The following TRAPPC6A variants were observed in gnomAD, a reference collection of about 807,000 sequenced individuals.
The protein encoded by TRAPPC6A is TRAPP complex subunit 6A.
TRAPPC6A carries 25 observed loss-of-function variants against 20.8 expected under a neutral mutation model. The ratio of observed to expected loss-of-function variants is 1.20; its 90% CI spans 0.88 to 1.68. The LOEUF (loss-of-function observed/expected upper bound fraction) is 1.68. Ranked by LOEUF, TRAPPC6A falls within the 40% of genes most tolerant of loss-of-function variation. The pLI is 0.00. For missense variants in TRAPPC6A, 215 were observed against 211.6 expected, an observed-to-expected ratio of 1.02 and a Z score of -0.10; for synonymous variants, 96 against 93.3, an observed-to-expected ratio of 1.03 and a Z score of -0.16.
At chr19:45,165,324 G>A (rs1944213955) in intron 1 of TRAPPC6A, 130 bp from the exon 2 acceptor site, 4 of 901,316 alleles carry the variant, frequency 4.4e-6, no homozygotes, top group Admixed American at 4.3e-5. Context: ...TGAGCAGGGA[G>A]GGGCTCTGGC....
In TRAPPC6A at chr19:45,173,888, G is replaced by C. The variant is rs7251651; in HGVS notation, c.84+4247C>G. ...CTCAGGCCTCACCCCAACCGGGTTCGTCAGAGTCTCTGGTGTGGGACTCCA... is the reference window on the plus strand; with the variant it reads ...CTCAGGCCTCACCCCAACCGGGTTCCTCAGAGTCTCTGGTGTGGGACTCCA... On this transcript the variant is annotated intron_variant, in intron 1 of 5. Coordinates refer to ENST00000585934, the MANE Select transcript of TRAPPC6A (RefSeq NM_001270891.2). The surrounding 1 kb of genome is among the most constrained non-coding windows in gnomAD (Gnocchi z 4.8). Among the ~76,000 whole-genome samples, 3 of 152,138 alleles carry C rather than the reference G, an allele frequency of 2.0e-5. No individual in the cohort carries two copies. The highest frequency in any genetic ancestry group is 2.4e-5 in the African/African-American group (1 of 41,398).
chr19:45,176,912 T>G (rs191610438), intron 1 of TRAPPC6A, among the ~76,000 whole-genome samples: 9 of 151,464 alleles, frequency 5.9e-5, no homozygotes, highest in Non-Finnish European at 1.2e-4. Context: ...CTCACGCCTG[T>G]AATCCTAGCA....
chr19:45,168,209 T>C (rs1404443678), intron 1 of TRAPPC6A, among the ~76,000 whole-genome samples: 1 of 151,836 alleles, frequency 6.6e-6, no homozygotes, highest in Non-Finnish European at 1.5e-5. Context: ...TTCACCATGT[T>C]AGCCAGGATG....
At chr19:45,178,024 C>T in intron 1 of TRAPPC6A, 111 bp downstream of exon 1, 1 of 1,559,620 alleles carries the variant, frequency 6.4e-7, no homozygotes, top group Non-Finnish European at 8.7e-7. Flanking sequence ...CGTTGCCCTG[C>T]AAGGCCGGGG....
In TRAPPC6A at chr19:45,163,849, G is replaced by A; in HGVS notation, c.448+67C>T. ...CTCCCAGGCACACACACAGGAGTGG[G>A]GCTGGAACTCTGAAGCCCCCAGCAA... On this transcript the variant is annotated intron_variant, in intron 5 of 5. Transcript: ENST00000585934. The surrounding 1 kb of genome is among the most constrained non-coding windows in gnomAD (Gnocchi z 5.3). The A allele has an allele frequency of 7.2e-7, 1 of 1,384,922 alleles. No homozygotes were observed. 85.8% of individuals were successfully genotyped at this position (1,384,922 alleles called of 1,614,324 possible).
rs1248965953 is a variant in TRAPPC6A at position 45,163,176 on chromosome 19, C to T, written c.*16G>A. 2.5e-6 allele frequency: 4 copies of T among 1,613,762 alleles called. No individual in the cohort carries two copies. Among genetic ancestry groups the T allele is most frequent in the Admixed American group, 1.7e-5 (1 of 59,986 alleles). On this transcript the variant is annotated 3_prime_UTR_variant, in exon 6 of 6. Transcript: ENST00000585934. This position sits in a 1 kb window ranked among gnomAD's most constrained non-coding sequence, Gnocchi z 5.3. ...GGCCAGGGGCAGCAGTGCGGCTCAGCAGGTGCGAGGCAGGCTTAGGATTTC... is the reference window on the plus strand; with the variant it reads ...GGCCAGGGGCAGCAGTGCGGCTCAGTAGGTGCGAGGCAGGCTTAGGATTTC...
chr19:45,175,650 C>A (rs886216861), intron 1 of TRAPPC6A, among the ~76,000 whole-genome samples: 7 of 152,032 alleles, frequency 4.6e-5, no homozygotes, highest in African/African-American at 1.7e-4. Flanking sequence ...GAGAAGGGAG[C>A]AGGCTCATTT....
chr19:45,166,823 C>T (rs1237111569), intron 1 of TRAPPC6A, among the ~76,000 whole-genome samples: 1 of 152,118 alleles, frequency 6.6e-6, no homozygotes, highest in African/African-American at 2.4e-5. Flanking sequence ...CTCCTCCCTC[C>T]AGGGCTGCAC....
chr19:45,170,988 G>A (rs373496802), intron 1 of TRAPPC6A, among the ~76,000 whole-genome samples: 10 of 152,260 alleles, frequency 6.6e-5, no homozygotes, highest in Admixed American at 6.5e-4. Flanking sequence ...CTCTTCAGAG[G>A]TTAGGGGTTT....
At chr19:45,164,803 T>A in intron 3 of TRAPPC6A, 50 bp downstream of exon 3, 2 of 1,552,128 alleles carry the variant, frequency 1.3e-6, no homozygotes, top group Non-Finnish European at 1.8e-6. Flanking sequence ...CCCACTCTCT[T>A]GGTCTTGCCC....
intron 1 of TRAPPC6A, among the ~76,000 whole-genome samples, chr19:45,175,666 G>A (rs1405357322): frequency 6.6e-6 from 1 of 152,092 alleles, no homozygotes; most frequent in African/African-American, 2.4e-5. Context: ...CATTTCACAG[G>A]AGAGCGGAAA....
At position 45,164,822 on chromosome 19, in the gene TRAPPC6A, A is replaced by G. The variant is rs73564232; in HGVS notation, c.270+31T>C. On this transcript the variant is annotated intron_variant, in intron 3 of 5. Transcript: ENST00000585934. ...CTCTCTTGGTCTTGCCCTCAGGAGG[A>G]AGCTGGACGGGCAGGCCGGGGTGCT... 3.2e-3 allele frequency: 5,158 copies of G among 1,595,454 alleles called. 115 individuals carry two copies. In the African/African-American group the frequency reaches 0.048, roughly 15 times the overall value.
rs1259550663 is a variant in TRAPPC6A, at chr19:45,163,966, G to A, written c.398C>T (p.Thr133Ile). 6.3e-7 allele frequency: 1 copy of A among 1,582,598 alleles called. No individual in the cohort carries two copies. The highest frequency in any genetic ancestry group is 1.9e-5 in the Admixed American group (1 of 53,770). ...GGTGACCACGCTCTCAATGCCCAGG[G>A]TATAGAGGGCGCCGCGCAGGAGGCC... ...TCGLLRGALYTLGIESVVTAS... is the reference protein window; with the variant it reads ...TCGLLRGALYILGIESVVTAS... Residue 133 changes from threonine to isoleucine, a missense_variant, in exon 5 of 6, where the codon ACC (threonine) becomes ATC (isoleucine). Coordinates refer to ENST00000585934, the MANE Select transcript of TRAPPC6A (RefSeq NM_001270891.2). This position sits in a 1 kb window ranked among gnomAD's most constrained non-coding sequence, Gnocchi z 5.3.
intron 1 of TRAPPC6A, among the ~76,000 whole-genome samples, chr19:45,176,967 G>C (rs922410106): frequency 2.0e-5 from 3 of 149,604 alleles, no homozygotes; most frequent in Non-Finnish European, 4.4e-5. Flanking sequence ...AGAAGATGGA[G>C]ACCATCCTGG....
chr19:45,171,698 T>A (rs549368089), intron 1 of TRAPPC6A, among the ~76,000 whole-genome samples: 1 of 152,134 alleles, frequency 6.6e-6, no homozygotes, highest in Non-Finnish European at 1.5e-5. Context: ...TTGGAAGAGA[T>A]GCAGGAAGTC....
chr19:45,177,191 G>A (rs112845275), intron 1 of TRAPPC6A, among the ~76,000 whole-genome samples: 3,163 of 147,992 alleles, frequency 0.021, 134 homozygotes, highest in African/African-American at 0.074. Context: ...GCGCGTGCGC[G>A]CACACACACA....
Position 45,164,147 on chromosome 19 carries a change from C to T in TRAPPC6A, c.354+17G>A, listed in dbSNP as rs985465447. The T allele has an allele frequency of 1.2e-5, 19 of 1,589,674 alleles. No individual in the cohort carries two copies. The highest frequency in any genetic ancestry group is 3.4e-4 in the Middle Eastern group (2 of 5,898). The stretch of plus-strand genomic sequence containing the variant: ...GGAGGAAGGGAGGTGTGGACAAGGC[C>T]CCAGCTCCCCCCATACCTTGGGTGC... On this transcript the variant is annotated intron_variant, in intron 4 of 5. Transcript: ENST00000585934.
intron 1 of TRAPPC6A, among the ~76,000 whole-genome samples, chr19:45,174,402 C>A (rs1221505701): frequency 1.3e-5 from 2 of 152,200 alleles, no homozygotes; most frequent in Non-Finnish European, 1.5e-5. Flanking sequence ...AACACGTCCA[C>A]ACTGAGGACC....
rs375740166 is a variant in TRAPPC6A, at chr19:45,163,721, C to T, written c.448+195G>A. Among the ~76,000 whole-genome samples, 267 of 152,286 alleles carry T rather than the reference C, an allele frequency of 1.8e-3. 1 individual carries two copies. Among genetic ancestry groups the T allele is most frequent in the African/African-American group, 6.1e-3 (254 of 41,552 alleles). On this transcript the variant is annotated intron_variant, in intron 5 of 5. Transcript: ENST00000585934. The surrounding 1 kb of genome is among the most constrained non-coding windows in gnomAD (Gnocchi z 5.3). Reference sequence around the variant, plus strand: ...TGCTGGGAAACGATGTTCAAAACCGCCAGACAGTTCTCTCTGCAGGGCTGG... The same window carrying T: ...TGCTGGGAAACGATGTTCAAAACCGTCAGACAGTTCTCTCTGCAGGGCTGG...
Sources: allele counts gnomAD v4.1 joint callset (sites outside exome capture counted in the v4.1 genomes callset), GRCh38; gene constraint gnomAD v4.1.1; non-coding constraint Gnocchi (gnomAD v3.1); transcripts MANE v1.5; gene names NCBI Gene and HGNC (gene_info 2026-07-23, HGNC 2026-07-21).